The following GRK5 variants were observed in gnomAD, a reference collection of about 807,000 sequenced individuals.
GRK5 encodes G protein-coupled receptor kinase 5, also known as g protein-coupled receptor kinase GRK5.
Under a neutral mutation model 78.4 loss-of-function variants are expected in GRK5, and 40 were observed. That is an observed-to-expected ratio of 0.51 (90% CI 0.40 to 0.66). GRK5 has a LOEUF of 0.66. Ranked by LOEUF, GRK5 falls within the 30% of genes least tolerant of loss-of-function variation. The probability of loss-of-function intolerance (pLI) is 0.00; values close to 1 mark genes in which losing one functional copy is unlikely to be tolerated. For synonymous variants in GRK5, 289 were observed against 296.8 expected, an observed-to-expected ratio of 0.97 and a Z score of 0.27; for missense variants, 598 against 759.9, an observed-to-expected ratio of 0.79 and a Z score of 2.50.
chr10:119,264,668 C>T lies in GRK5; in HGVS notation c.52+56699C>T, dbSNP rs149076360. 1.4e-3 allele frequency among the ~76,000 whole-genome samples: 208 copies of T among 152,296 alleles called. No homozygotes were observed. The highest frequency in any genetic ancestry group is 2.6e-3 in the Non-Finnish European group (175 of 68,022). ...GGACAGGGGTTCACGTTCTGTGCTT[C>T]GTGAGATCTGAGTCCTGTGTGGGTA... On this transcript the variant is annotated intron_variant, in intron 1 of 15. Coordinates refer to ENST00000392870, the MANE Select transcript of GRK5 (RefSeq NM_005308.3). The surrounding 1 kb of genome is among the most constrained non-coding windows in gnomAD (Gnocchi z 4.1).
At chr10:119,411,584 TAGG>T (rs1176936596) in intron 4 of GRK5, among the ~76,000 whole-genome samples, 1 of 152,100 alleles carries the variant, frequency 6.6e-6, no homozygotes, top group East Asian at 1.9e-4. Flanking sequence ...AGAAAAAGAA[TAGG>T]AGGTTAGGTA....
chr10:119,364,875 T>C (rs1453412796), intron 2 of GRK5, among the ~76,000 whole-genome samples: 4 of 152,240 alleles, frequency 2.6e-5, no homozygotes, highest in African/African-American at 7.2e-5. Flanking sequence ...AAAACAGCTG[T>C]TATGGGTTAC....
chr10:119,270,607 A>G (rs1205954311), intron 1 of GRK5, among the ~76,000 whole-genome samples: 1 of 152,256 alleles, frequency 6.6e-6, no homozygotes, highest in Non-Finnish European at 1.5e-5. Flanking sequence ...GTTCACCTCC[A>G]TGACAGGCCC....
At chr10:119,290,085 G>A (rs1849923116) in intron 1 of GRK5, among the ~76,000 whole-genome samples, 1 of 152,132 alleles carries the variant, frequency 6.6e-6, no homozygotes, top group Admixed American at 6.5e-5. Context: ...GATGGCTCAA[G>A]CCTGTAATCC....
intron 1 of GRK5, among the ~76,000 whole-genome samples, chr10:119,291,603 T>TTCCTCCTCC (rs1235503801): frequency 1.1e-5 from 1 of 87,146 alleles, no homozygotes; most frequent in Admixed American, 1.1e-4. Context: ...CCTCCTCCTC[T>TTCCTCCTCC]TCCTCCTCCT....
intron 1 of GRK5, among the ~76,000 whole-genome samples, chr10:119,223,653 C>T (rs1429300242): frequency 6.6e-6 from 1 of 151,414 alleles, no homozygotes; most frequent in Non-Finnish European, 1.5e-5. Context: ...CTCATACCTT[C>T]TTCTAAGCAG....
chr10:119,236,780 C>T (rs1056718051), intron 1 of GRK5, among the ~76,000 whole-genome samples: 6 of 152,050 alleles, frequency 3.9e-5, no homozygotes, highest in East Asian at 1.9e-4. Context: ...GCTGGGCACA[C>T]GCCACTGCAC....
intron 3 of GRK5, among the ~76,000 whole-genome samples, chr10:119,388,114 G>A (rs1851830395): frequency 6.6e-6 from 1 of 151,722 alleles, no homozygotes; most frequent in African/African-American, 2.4e-5. Flanking sequence ...CACCATGCCT[G>A]GCTAATTAAA....
intron 1 of GRK5, among the ~76,000 whole-genome samples, chr10:119,292,161 TTCC>T (rs370512146): frequency 0.19 from 927 of 4,970 alleles, 33 homozygotes; most frequent in East Asian, 0.39. Flanking sequence ...CCTCCTCCTC[TTCC>T]TCCTCCTCCT....
At position 119,207,989 on chromosome 10, in the gene GRK5, C is replaced by T. The variant is rs924078874; in HGVS notation, c.52+20C>T. Reference sequence around the variant, plus strand: ...GGGAAGGTAAGAGGCAGGGCCGGTACGTGCCCGGCGCGTCCGCCGCGGGCC... The same window carrying T: ...GGGAAGGTAAGAGGCAGGGCCGGTATGTGCCCGGCGCGTCCGCCGCGGGCC... On this transcript the variant is annotated intron_variant, in intron 1 of 15. Transcript: ENST00000392870. The T allele has an allele frequency of 1.3e-6, 2 of 1,598,932 alleles. No homozygotes were observed. The highest frequency in any genetic ancestry group is 1.7e-6 in the Non-Finnish European group (2 of 1,174,096).
chr10:119,376,564 T>C (rs976638556), intron 2 of GRK5, among the ~76,000 whole-genome samples: 3 of 101,410 alleles, frequency 3.0e-5, no homozygotes, highest in African/African-American at 8.9e-5. Context: ...CTAATGCCTT[T>C]TTTTTTTTTT....
intron 3 of GRK5, among the ~76,000 whole-genome samples, chr10:119,386,185 T>G (rs1001977597): frequency 6.6e-6 from 1 of 152,220 alleles, no homozygotes; most frequent in African/African-American, 2.4e-5. Flanking sequence ...ATGCCCAGCC[T>G]TGGAGTTGTC....
intron 1 of GRK5, among the ~76,000 whole-genome samples, chr10:119,306,106 C>T (rs1403237726): frequency 6.6e-6 from 1 of 152,092 alleles, no homozygotes; most frequent in African/African-American, 2.4e-5. Context: ...GGGCAGTGCC[C>T]GCCTGGGCTG....
At position 119,336,821 on chromosome 10, in the gene GRK5, G is replaced by A. The variant is rs1395286699; in HGVS notation, c.148+10210G>A. ...CAGCATCTGCTTGTCCTTGGAGGGC[G>A]AAATAAATTTAGATGTGTCGGGTTT... On this transcript the variant is annotated intron_variant, in intron 2 of 15. Transcript: ENST00000392870. The surrounding 1 kb of genome is among the most constrained non-coding windows in gnomAD (Gnocchi z 4.5). Among the ~76,000 whole-genome samples, 4 of 152,302 alleles carry A rather than the reference G, an allele frequency of 2.6e-5. No homozygotes were observed. The highest frequency in any genetic ancestry group is 2.1e-4 in the South Asian group (1 of 4,830).
chr10:119,401,716 C>T (rs564483253), intron 4 of GRK5, among the ~76,000 whole-genome samples: 1 of 152,340 alleles, frequency 6.6e-6, no homozygotes, highest in South Asian at 2.1e-4. Flanking sequence ...TTCTCCGTGC[C>T]TTCAAAGTCA....
intron 13 of GRK5, among the ~76,000 whole-genome samples, chr10:119,450,772 G>C (rs1853266554): frequency 6.6e-6 from 1 of 152,070 alleles, no homozygotes; most frequent in Non-Finnish European, 1.5e-5. Flanking sequence ...AAGGTGCACA[G>C]AGCAGCCCAC....
Position 119,207,816 on chromosome 10 carries a change from CCGGCAGCAGCGGCGGCAGCCCGAGCAG to C in GRK5, c.-91_-65del. Reference sequence around the variant, plus strand: ...AGGCGGGCTGCTGGCTCCCCCGGCTCCGGCAGCAGCGGCGGCAGCCCGAGCAGCGGCAGCAGCAGCGGCAGCACCCCA... The same window carrying C: ...AGGCGGGCTGCTGGCTCCCCCGGCTCCGGCAGCAGCAGCGGCAGCACCCCA... On this transcript the variant is annotated 5_prime_UTR_variant, in exon 1 of 16. Transcript: ENST00000392870. 2.6e-6 allele frequency: 3 copies of C among 1,149,804 alleles called. No homozygotes were observed. The highest frequency in any genetic ancestry group is 2.4e-6 in the Non-Finnish European group (2 of 819,338). The allele number at this position is 1,149,804 out of a possible 1,614,324, so 71.2% of individuals were successfully genotyped here. A position where few individuals can be genotyped will look rare whatever the true frequency, so the allele number is the denominator to read the frequency against.
Position 119,327,450 on chromosome 10 carries a change from G to T in GRK5, c.148+839G>T, listed in dbSNP as rs138196947. On this transcript the variant is annotated intron_variant, in intron 2 of 15. Transcript: ENST00000392870. ...CCCCATCCGCTTATTATTGTCAGAG[G>T]TCATGGACGTGCTGAACACGTTTAA... Among the ~76,000 whole-genome samples the T allele has an allele frequency of 1.4e-4, 21 of 152,298 alleles. No individual in the cohort carries two copies. In the East Asian group the frequency reaches 3.9e-3, roughly 28 times the overall value.
rs573487891 is a variant in GRK5 at position 119,224,737 on chromosome 10, G to A, written c.52+16768G>A. 7.9e-5 allele frequency among the ~76,000 whole-genome samples: 12 copies of A among 152,184 alleles called. No homozygotes were observed. In the South Asian group the frequency reaches 2.3e-3, roughly 29 times the overall value. On this transcript the variant is annotated intron_variant, in intron 1 of 15. Coordinates refer to ENST00000392870, the MANE Select transcript of GRK5 (RefSeq NM_005308.3). ...CCTAGTCACCCACTTTTTAATTTTC[G>A]AGGTAATATGGTATCTTCTCCTGCT...
Sources: allele counts gnomAD v4.1 joint callset (sites outside exome capture counted in the v4.1 genomes callset), GRCh38; gene constraint gnomAD v4.1.1; non-coding constraint Gnocchi (gnomAD v3.1); transcripts MANE v1.5; gene names NCBI Gene and HGNC (gene_info 2026-07-23, HGNC 2026-07-21).